The following EPB41L3 variants were observed in gnomAD, a reference collection of about 807,000 sequenced individuals.
EPB41L3 encodes erythrocyte membrane protein band 4.1 like 3, also known as band 4.1-like protein 3.
In EPB41L3, 57 loss-of-function variants were observed where a neutral mutation model predicts 127.1. That is an observed-to-expected ratio of 0.45 (90% CI 0.36 to 0.56). The LOEUF (loss-of-function observed/expected upper bound fraction) is 0.56, where lower values mean the gene tolerates loss of function less well. EPB41L3 is among the 20% of genes least tolerant of loss of function. The pLI is 0.00. For missense variants in EPB41L3, 1,273 were observed against 1,372.2 expected (o/e 0.93, Z 1.14); for synonymous variants, 572 against 549.5 (o/e 1.04, Z -0.57).
At chr18:5,437,203 T>C (rs1400382786) in intron 6 of EPB41L3, among the ~76,000 whole-genome samples, 1 of 152,128 alleles carries the variant, frequency 6.6e-6, no homozygotes, top group Non-Finnish European at 1.5e-5. Flanking sequence ...TGGGGGTCTC[T>C]GGGAAGTGAT....
At chr18:5,593,527 G>A (rs1288977866) in intron 3 of EPB41L3, among the ~76,000 whole-genome samples, 1 of 152,132 alleles carries the variant, frequency 6.6e-6, no homozygotes, top group Non-Finnish European at 1.5e-5. Context: ...GGCAGGGCGA[G>A]ATCACAGGAC....
At position 5,592,577 on chromosome 18, in the gene EPB41L3, T is replaced by G. The variant is rs371267736; in HGVS notation, c.-306+19763A>C. ...AGTTCCTTTGCAGTCTTGTAGCACA[T>G]ACCCAGGACTGTGCAGAGGAGGGAG... On this transcript the variant is annotated intron_variant, in intron 3 of 21. Coordinates refer to the EPB41L3 transcript ENST00000545076. Among the ~76,000 whole-genome samples, 91 of 152,320 alleles carry G rather than the reference T, an allele frequency of 6.0e-4. 1 individual carries two copies. The South Asian group carries it at 0.019, about 31-fold the overall frequency.
At chr18:5,549,939 C>T (rs1054835646) in intron 3 of EPB41L3, among the ~76,000 whole-genome samples, 4 of 152,174 alleles carry the variant, frequency 2.6e-5, no homozygotes, top group African/African-American at 9.7e-5. Flanking sequence ...GGAGTTATTG[C>T]TTGGATCCTG....
chr18:5,554,646 C>A lies in EPB41L3; in HGVS notation c.-306+57694G>T, dbSNP rs558126567. Among the ~76,000 whole-genome samples, 54 of 152,326 alleles carry A rather than the reference C, an allele frequency of 3.5e-4. No individual in the cohort carries two copies. In the South Asian group the frequency reaches 0.011, roughly 31 times the overall value. On this transcript the variant is annotated intron_variant, in intron 3 of 21. Coordinates refer to the EPB41L3 transcript ENST00000545076. ...TGACACCAGTAGGGCTCCTCTTCCA[C>A]CACACACCCAGAGATGAGAGGGAAG... is the stretch of plus-strand genomic sequence containing the variant.
intron 1 of EPB41L3, among the ~76,000 whole-genome samples, chr18:5,535,352 T>C (rs982294611): frequency 2.0e-5 from 3 of 152,146 alleles, no homozygotes; most frequent in Non-Finnish European, 4.4e-5. Flanking sequence ...CTGCTCTCAT[T>C]TCAAGAATTC....
Position 5,478,328 on chromosome 18 carries a change from C to G in EPB41L3, c.294G>C (p.Arg98=). 6.2e-7 allele frequency: 1 copy of G among 1,614,042 alleles called. No homozygotes were observed. ...GCTTTTTGACAATCTTTAATGGAGA[C>G]CGAGAGAGTTTACTGCTAGATGATT... ...SQKSSSSKLS[R]SPLKIVKKPK... The change falls in exon 3 of 23, where the codon CGG becomes CGC. Residue 98 remains arginine, a synonymous_variant. Transcript: ENST00000341928.
chr18:5,415,831 C>T lies in EPB41L3; in HGVS notation c.2054G>A (p.Ser685Asn). 2 of 1,612,434 alleles carry T rather than the reference C, an allele frequency of 1.2e-6. 1 individual carries two copies. Among genetic ancestry groups the T allele is most frequent in the Middle Eastern group, 3.6e-4 (2 of 5,492 alleles). The change falls in exon 13 of 23, where the codon AGT becomes AAT. Residue 685 changes from serine to asparagine, a missense_variant. Physicochemically the swap from Ser to Asn is conservative, Grantham distance 46. This residue lies in a region of EPB41L3 where 765 missense variants were observed against 782.9 expected (regional missense o/e 0.98). Transcript: ENST00000341928. ...SASLDNDPSD[S>N]SEEETDSERT... ...CGAGGTACACACCTCTTCCTCTGAA[C>T]TGTCACTCGGGTCATTGTCTAGGGA...
At chr18:5,400,384 G>T in intron 16 of EPB41L3, 1 of 361,898 alleles carries the variant, frequency 2.8e-6, no homozygotes, top group Non-Finnish European at 5.4e-6. Context: ...AAACTTTTCT[G>T]TTTTTTACAG....
At chr18:5,557,253 G>A (rs1020726088) in intron 3 of EPB41L3, among the ~76,000 whole-genome samples, 3 of 152,168 alleles carry the variant, frequency 2.0e-5, no homozygotes, top group African/African-American at 7.2e-5. Flanking sequence ...GAGGTAACAG[G>A]CCTCAGATAT....
upstream of EPB41L3, chr18:5,544,226 AGGCTCCGC>A (rs1281684139): frequency 2.0e-6 from 2 of 985,632 alleles, no homozygotes; most frequent in African/African-American, 3.5e-5. Context: ...GCGCAGGGTC[AGGCTCCGC>A]GGACGACGCC....
chr18:5,405,833 AAAT>A (rs1272602141), intron 16 of EPB41L3, among the ~76,000 whole-genome samples: 3 of 150,784 alleles, frequency 2.0e-5, no homozygotes, highest in Non-Finnish European at 3.0e-5. Context: ...AAAAAAAAAA[AAAT>A]CTCTTTAAAT....
At chr18:5,394,937 T>A in intron 21 of EPB41L3, 130 bp downstream of exon 21, 1 of 1,207,580 alleles carries the variant, frequency 8.3e-7, no homozygotes, top group East Asian at 2.3e-5. Context: ...TCATAAATCA[T>A]ATATTGGAAA....
In EPB41L3 at chr18:5,505,059, T is replaced by A. The variant is rs1299560492; in HGVS notation, c.-11-15865A>T. On this transcript the variant is annotated intron_variant, in intron 1 of 22. Coordinates refer to ENST00000341928, the MANE Select transcript of EPB41L3 (RefSeq NM_012307.5). Reference sequence around the variant, plus strand: ...GTTCCCTCTGCCCCATGAAACGGTCTCCTCCATCCAGTGCAGGCATATGTA... The same window carrying A: ...GTTCCCTCTGCCCCATGAAACGGTCACCTCCATCCAGTGCAGGCATATGTA... Among the ~76,000 whole-genome samples the A allele has an allele frequency of 3.3e-5, 5 of 152,282 alleles. No homozygotes were observed. In the East Asian group the frequency reaches 9.7e-4, roughly 29 times the overall value.
chr18:5,466,022 TA>T (rs985537235), intron 3 of EPB41L3, among the ~76,000 whole-genome samples: 5 of 152,078 alleles, frequency 3.3e-5, no homozygotes, highest in Non-Finnish European at 7.4e-5. Flanking sequence ...ATGTAACCTT[TA>T]GGCAGAGCAT....
At chr18:5,550,345 A>G (rs892236587) in intron 3 of EPB41L3, among the ~76,000 whole-genome samples, 2 of 152,190 alleles carry the variant, frequency 1.3e-5, no homozygotes, top group African/African-American at 2.4e-5. Context: ...AAAGCACAAC[A>G]TGAGGAATTT....
rs548924059 is a variant in EPB41L3 at position 5,456,784 on chromosome 18, G to C, written c.382-11540C>G. Among the ~76,000 whole-genome samples the C allele has an allele frequency of 1.2e-3, 181 of 152,340 alleles. 1 individual carries two copies. Among genetic ancestry groups the C allele is most frequent in the African/African-American group, 4.2e-3 (175 of 41,580 alleles). ...GTGAACCCACAATCCCAGAAAGCCA[G>C]TGCTAATCCTCTTTGCCCAGCCGTT... On this transcript the variant is annotated intron_variant, in intron 3 of 22. Coordinates refer to ENST00000341928, the MANE Select transcript of EPB41L3 (RefSeq NM_012307.5).
rs766019164 is a variant in EPB41L3, at chr18:5,416,369, G to A, written c.1516C>T (p.Leu506Phe). Residue 506 changes from leucine to phenylalanine, a missense_variant, in exon 13 of 23, where the codon CTT becomes TTT. Transcript: ENST00000341928. The stretch of plus-strand genomic sequence containing the variant: ...GACAAGGGACATGAGTCAGTGCCAA[G>A]CCCAGGTGACTGATGTGAAAGAGAC... ...AIRHEGKSPG[L>F]GTDSCPLSPP... 2 of 1,611,530 alleles carry A rather than the reference G, an allele frequency of 1.2e-6. No individual in the cohort carries two copies. The highest frequency in any genetic ancestry group is 4.5e-5 in the East Asian group (2 of 44,830).
At chr18:5,483,210 A>G (rs948859395) in intron 2 of EPB41L3, among the ~76,000 whole-genome samples, 2 of 152,042 alleles carry the variant, frequency 1.3e-5, no homozygotes, top group African/African-American at 4.8e-5. Flanking sequence ...GTGTATGTGT[A>G]GTTTTTTTTA....
intron 21 of EPB41L3, 21 bp downstream of exon 21, chr18:5,395,046 T>A: frequency 3.7e-6 from 6 of 1,611,056 alleles, no homozygotes; most frequent in Non-Finnish European, 5.1e-6. Context: ...GCCAGGGTAT[T>A]TACCGTCTCA....
Sources: gnomAD v4.1 joint callset for allele counts (sites outside exome capture counted in the v4.1 genomes callset) on GRCh38, gnomAD v4.1.1 for gene constraint, gnomAD v4.1.1 regional missense constraint, MANE v1.5 for transcripts, NCBI Gene and HGNC (gene_info 2026-07-23, HGNC 2026-07-21) for gene names.